CD163L1: variants seen among roughly 807,000 people sequenced by gnomAD.
The protein encoded by CD163L1 is scavenger receptor cysteine-rich type 1 protein M160.
CD163L1 carries 124 observed loss-of-function variants against 165.4 expected under a neutral mutation model. That is an observed-to-expected ratio of 0.75 (90% CI 0.65 to 0.87). The LOEUF (loss-of-function observed/expected upper bound fraction) is 0.87, where lower values mean the gene tolerates loss of function less well. Among genes scored for constraint, CD163L1 ranks in the 40% least tolerant of loss-of-function variants. The pLI is 0.00. For synonymous variants in CD163L1, 585 were observed against 662.2 expected (o/e 0.88, Z 1.79); for missense variants, 1,525 against 1,799.9 (o/e 0.85, Z 2.76).
At chr12:7,439,330 C>G (rs766429002) in intron 2 of CD163L1, 2 of 1,584,676 alleles carry the variant, frequency 1.3e-6, no homozygotes, top group Non-Finnish European at 1.7e-6. Context: ...GTTTCTTTTA[C>G]TTCATCTTTT....
Position 7,369,455 on chromosome 12 carries a change from C to A in CD163L1, c.3941G>T (p.Arg1314Leu), listed in dbSNP as rs756556844. 6.2e-7 allele frequency: 1 copy of A among 1,614,132 alleles called. No individual in the cohort carries two copies. Among genetic ancestry groups the A allele is most frequent in the Non-Finnish European group, 8.5e-7 (1 of 1,180,032 alleles). ...GTGTIWLDDM[R>L]CKGNESFLWD... ...TAGAAATGACTCATTTCCTTTGCACCGCATGTCATCCAACCAGATGGTTCC... is the reference window on the plus strand; with the variant it reads ...TAGAAATGACTCATTTCCTTTGCACAGCATGTCATCCAACCAGATGGTTCC... The change falls in exon 15 of 20, where the codon CGG (arginine) becomes CTG (leucine). Residue 1314 changes from arginine to leucine, a missense_variant. Coordinates refer to ENST00000313599, the MANE Select transcript of CD163L1 (RefSeq NM_174941.6). This position sits in a 1 kb window ranked among gnomAD's most constrained non-coding sequence, Gnocchi z 4.9.
chr12:7,362,547 T>C (rs1031585647), intron 18 of CD163L1, among the ~76,000 whole-genome samples: 1 of 143,364 alleles, frequency 7.0e-6, no homozygotes, highest in Non-Finnish European at 1.5e-5. Flanking sequence ...ATATATAATA[T>C]ATTATATTAA....
chr12:7,330,347 C>T, the CD163L1 span, among the ~76,000 whole-genome samples: 605 of 152,278 alleles, frequency 4.0e-3, 2 homozygotes, highest in African/African-American at 0.013. Context: ...AGTCCATTTC[C>T]GTAAGCTAAC....
In CD163L1 at chr12:7,432,353, T is replaced by C; in HGVS notation, c.766+63A>G. On this transcript the variant is annotated intron_variant, in intron 4 of 19. Coordinates refer to ENST00000313599, the MANE Select transcript of CD163L1 (RefSeq NM_174941.6). This position sits in a 1 kb window ranked among gnomAD's most constrained non-coding sequence, Gnocchi z 4.2. ...TCCAGAGAATGATTGACCTTTTTCT[T>C]TCCATACATACTGTTTCTAAACAAA... is the stretch of plus-strand genomic sequence containing the variant. The C allele has an allele frequency of 8.0e-7, 1 of 1,255,926 alleles. No homozygotes were observed. The highest frequency in any genetic ancestry group is 1.1e-6 in the Non-Finnish European group (1 of 894,592). 77.8% of individuals were successfully genotyped at this position (1,255,926 alleles called of 1,614,324 possible). A position where few individuals can be genotyped will look rare whatever the true frequency, so the allele number is the denominator to read the frequency against.
intron 2 of CD163L1, among the ~76,000 whole-genome samples, chr12:7,436,862 A>C (rs1012733475): frequency 1.3e-5 from 2 of 152,016 alleles, no homozygotes; most frequent in Non-Finnish European, 2.9e-5. Context: ...GCAATTAAAT[A>C]ACTTCAATAA....
intron 8 of CD163L1, among the ~76,000 whole-genome samples, chr12:7,391,666 G>C (rs957254409): frequency 8.5e-5 from 13 of 152,170 alleles, no homozygotes; most frequent in African/African-American, 3.1e-4. Flanking sequence ...TCAGTGTGCT[G>C]TATTCAGGAG....
the CD163L1 span, chr12:7,327,243 T>A: frequency 2.9e-6 from 3 of 1,027,020 alleles, no homozygotes; most frequent in Non-Finnish European, 4.1e-6. Flanking sequence ...AATTTTGCTT[T>A]AAAATGTTTT....
At chr12:7,436,694 T>TA (rs1357493750) in intron 2 of CD163L1, among the ~76,000 whole-genome samples, 10 of 134,460 alleles carry the variant, frequency 7.4e-5, no homozygotes, top group Admixed American at 6.7e-4. Context: ...TCCGTCTCTT[T>TA]AAAAAAAAGA....
At chr12:7,428,365 C>T (rs988163205) in intron 4 of CD163L1, among the ~76,000 whole-genome samples, 5 of 151,910 alleles carry the variant, frequency 3.3e-5, no homozygotes, top group East Asian at 1.9e-4. Flanking sequence ...GTATTCATAT[C>T]GTTTGCCCAG....
rs760758321 is a variant in CD163L1 at position 7,367,237 on chromosome 12, T to C, written c.4278A>G (p.Ser1426=). 1 of 1,608,248 alleles carries C rather than the reference T, an allele frequency of 6.2e-7. No individual in the cohort carries two copies. The part of the protein sequence containing the change: ...KREDPHGTRT[S]DDTPNHGCED... ...TGCGGCCCCTGGAGTTGCACAGACC[T>C]GAGGTTCTTGTCCCATGTGGGTCCT... is the stretch of plus-strand genomic sequence containing the variant. The change falls in exon 18 of 20, where the codon TCA becomes TCG. Residue 1426 remains serine (S), a splice_region_variant and synonymous_variant. Coordinates refer to ENST00000313599, the MANE Select transcript of CD163L1 (RefSeq NM_174941.6).
the CD163L1 span, among the ~76,000 whole-genome samples, chr12:7,333,723 C>T: frequency 6.6e-6 from 1 of 152,174 alleles, no homozygotes; most frequent in East Asian, 1.9e-4. Context: ...AAAAGATCAA[C>T]AAAATTGATA....
chr12:7,320,845 C>G, the CD163L1 span: 24 of 1,495,250 alleles, frequency 1.6e-5, no homozygotes, highest in Non-Finnish European at 2.2e-5. Flanking sequence ...CAAACAATAG[C>G]TACCATCCAG....
the CD163L1 span, among the ~76,000 whole-genome samples, chr12:7,327,536 A>T: frequency 6.6e-6 from 1 of 152,230 alleles, no homozygotes; most frequent in Admixed American, 6.5e-5. Context: ...AAACTATGGA[A>T]TCTTTCCTGA....
At chr12:7,338,404 T>G in the CD163L1 span, among the ~76,000 whole-genome samples, 1 of 152,156 alleles carries the variant, frequency 6.6e-6, no homozygotes. Context: ...CAGGAGATAT[T>G]CCTGACATGA....
intron 2 of CD163L1, among the ~76,000 whole-genome samples, chr12:7,437,886 AT>A: frequency 6.6e-6 from 1 of 151,466 alleles, no homozygotes; most frequent in South Asian, 2.1e-4. Context: ...TCTTTTAGGA[AT>A]TTTATTATTA....
rs757189911 is a variant in CD163L1, at chr12:7,440,923, G to C, written c.124+231C>G. Among the ~76,000 whole-genome samples the C allele has an allele frequency of 2.0e-5, 3 of 152,252 alleles. No homozygotes were observed. The East Asian group carries it at 5.8e-4, about 29-fold the overall frequency. On this transcript the variant is annotated intron_variant, in intron 2 of 19. Transcript: ENST00000313599. The stretch of plus-strand genomic sequence containing the variant: ...ATTACAGGCCTGAGCCACTGTGCCC[G>C]GCCGGATTTGGAAATTCTCTTTATC...
At chr12:7,440,690 G>A (rs1179670058) in intron 2 of CD163L1, among the ~76,000 whole-genome samples, 2 of 148,360 alleles carry the variant, frequency 1.3e-5, no homozygotes, top group Non-Finnish European at 3.0e-5. Flanking sequence ...GTAGGGGCAC[G>A]ATCTCGGCTC....
In CD163L1 at chr12:7,374,090, T is replaced by C. The variant is rs1671558143; in HGVS notation, c.3409+352A>G. Among the ~76,000 whole-genome samples, 1 of 152,136 alleles carries C rather than the reference T, an allele frequency of 6.6e-6. No individual in the cohort carries two copies. Among genetic ancestry groups the C allele is most frequent in the South Asian group, 2.1e-4 (1 of 4,820 alleles). ...ACTAATAACCATGGCTTCAGGCTAC[T>C]AAAAGCCTAAAATAAAACAAAACAA... is the stretch of plus-strand genomic sequence containing the variant. On this transcript the variant is annotated intron_variant, in intron 13 of 19. Coordinates refer to ENST00000313599, the MANE Select transcript of CD163L1 (RefSeq NM_174941.6). The surrounding 1 kb of genome is among the most constrained non-coding windows in gnomAD (Gnocchi z 5.4).
rs761701953 is a variant in CD163L1, at chr12:7,369,561, CGGCCAG to C, written c.3829_3834del (p.Leu1277_Ala1278del). ...AGCTGCTGACACACCACTTCCGCCT[CGGCCAG>C]GTCCCAGGAGTCATCACACACTGTG... On this transcript the variant is annotated inframe_deletion, in exon 15 of 20. Coordinates refer to ENST00000313599, the MANE Select transcript of CD163L1 (RefSeq NM_174941.6). The surrounding 1 kb of genome is among the most constrained non-coding windows in gnomAD (Gnocchi z 4.9). 6.2e-7 allele frequency: 1 copy of C among 1,614,192 alleles called. No homozygotes were observed. The highest frequency in any genetic ancestry group is 1.7e-5 in the Admixed American group (1 of 60,026).
Sources: gnomAD v4.1 joint callset for allele counts (sites outside exome capture counted in the v4.1 genomes callset) on GRCh38, gnomAD v4.1.1 for gene constraint, Gnocchi (gnomAD v3.1) non-coding constraint, MANE v1.5 for transcripts, NCBI Gene and HGNC (gene_info 2026-07-23, HGNC 2026-07-21) for gene names.